Variants in C2CD5 observed in about 807,000 individuals in gnomAD.
The protein encoded by C2CD5 is C2 calcium dependent domain containing 5.
C2CD5 carries 109 observed loss-of-function variants against 130.3 expected under a neutral mutation model. That is an observed-to-expected ratio of 0.84 (90% CI 0.72 to 0.98). C2CD5 has a LOEUF of 0.98. Among genes scored for constraint, C2CD5 ranks in the 50% least tolerant of loss-of-function variants. The pLI is 0.00. For missense variants in C2CD5, 996 were observed against 1,261.8 expected (o/e 0.79, Z 3.19); for synonymous variants, 454 against 429.2 (o/e 1.06, Z -0.71).
chr12:22,477,402 G>A (rs575098545), intron 15 of C2CD5: 17 of 152,230 alleles, frequency 1.1e-4, no homozygotes, highest in African/African-American at 3.9e-4. Flanking sequence ...AGAATAATAT[G>A]ATGAAAGCTA....
At chr12:22,541,911 G>A (rs1237667807) in intron 2 of C2CD5, among the ~76,000 whole-genome samples, 2 of 152,176 alleles carry the variant, frequency 1.3e-5, no homozygotes, top group Non-Finnish European at 2.9e-5. Flanking sequence ...GGCTAGACCA[G>A]TAACTAGCCC....
At chr12:22,465,128 A>G (rs915161757) in intron 22 of C2CD5, among the ~76,000 whole-genome samples, 3 of 152,168 alleles carry the variant, frequency 2.0e-5, no homozygotes, top group African/African-American at 7.2e-5. Context: ...TTGTTTTTAT[A>G]TTTAACCTAT....
intron 16 of C2CD5, 72 bp from the exon 17 acceptor site, chr12:22,472,879 A>T: frequency 1.1e-6 from 1 of 880,656 alleles, no homozygotes; most frequent in Non-Finnish European, 1.9e-6. Context: ...AAGAACTATT[A>T]ATAGAGTCAA....
intron 23 of C2CD5, chr12:22,458,794 G>GC (rs1373519742): frequency 3.1e-6 from 1 of 322,338 alleles, no homozygotes; most frequent in Non-Finnish European, 5.6e-6. Context: ...AGCAGGCTGA[G>GC]CATTTCTGGT....
chr12:22,509,550 TAATA>T (rs1181790488), intron 9 of C2CD5, among the ~76,000 whole-genome samples: 3 of 152,182 alleles, frequency 2.0e-5, no homozygotes, highest in African/African-American at 7.2e-5. Flanking sequence ...ATTTAACCTA[TAATA>T]AATAAAAATG....
chr12:22,451,319 A>G (rs1938556351), intron 26 of C2CD5, among the ~76,000 whole-genome samples: 1 of 152,200 alleles, frequency 6.6e-6, no homozygotes, highest in Non-Finnish European at 1.5e-5. Context: ...TTCATTCATT[A>G]TAAAGAGAAA....
chr12:22,455,800 T>C (rs1565638188), intron 25 of C2CD5, among the ~76,000 whole-genome samples: 1 of 152,134 alleles, frequency 6.6e-6, no homozygotes, highest in African/African-American at 2.4e-5. Flanking sequence ...TTCTCGTGCC[T>C]CAGCCTCCTG....
At chr12:22,458,720 G>T in intron 23 of C2CD5, 135 bp from the exon 24 acceptor site, 1 of 383,882 alleles carries the variant, frequency 2.6e-6, no homozygotes, top group Non-Finnish European at 4.6e-6. Context: ...TTTCAAGTCA[G>T]ATAAGAGAGA....
At chr12:22,492,980 G>C (rs994612649) in intron 11 of C2CD5, among the ~76,000 whole-genome samples, 1 of 152,064 alleles carries the variant, frequency 6.6e-6, no homozygotes, top group Non-Finnish European at 1.5e-5. Context: ...ATGATTAATT[G>C]ATCTGTGGTA....
intron 22 of C2CD5, among the ~76,000 whole-genome samples, chr12:22,468,857 T>C (rs894078234): frequency 6.6e-6 from 1 of 152,202 alleles, no homozygotes; most frequent in Non-Finnish European, 1.5e-5. Context: ...AACTATTCTG[T>C]ATTATACATA....
At chr12:22,505,254 C>CTT (rs371726014) in intron 10 of C2CD5, among the ~76,000 whole-genome samples, 47 of 106,306 alleles carry the variant, frequency 4.4e-4, no homozygotes, top group Admixed American at 7.2e-4. Context: ...TTCTTTCTTT[C>CTT]TTTTTTTTTT....
intron 10 of C2CD5, among the ~76,000 whole-genome samples, chr12:22,496,945 A>C (rs1473833283): frequency 6.6e-6 from 1 of 152,074 alleles, no homozygotes; most frequent in East Asian, 1.9e-4. Flanking sequence ...ATATCTTGCC[A>C]TCTTTTTAAC....
In C2CD5 at chr12:22,472,304, A is replaced by T. The variant is rs16924983; in HGVS notation, c.2151T>A (p.Asn717Lys). Reference protein sequence around the residue: ...CNTEIMPGINNWTSEIQMFTS... With the variant: ...CNTEIMPGINKWTSEIQMFTS... ...GGTTTACCTGTATTTCAGAGGTCCA[A>T]TTATTTATACCGGGCATAATTTCTG... Residue 717 changes from asparagine (N) to lysine (K), a missense_variant, in exon 18 of 27, where the codon AAT becomes AAA. Physicochemically the swap from Asn to Lys is moderately conservative, Grantham distance 94. Transcript: ENST00000446597. The T allele has an allele frequency of 2.0e-6, 3 of 1,517,610 alleles. No homozygotes were observed. In the Admixed American group the frequency reaches 5.6e-5, roughly 29 times the overall value. 94.0% of individuals were successfully genotyped at this position (1,517,610 alleles called of 1,614,324 possible). A position where few individuals can be genotyped will look rare whatever the true frequency, so the allele number is the denominator to read the frequency against.
At chr12:22,541,673 T>A (rs1952401872) in intron 2 of C2CD5, among the ~76,000 whole-genome samples, 1 of 152,194 alleles carries the variant, frequency 6.6e-6, no homozygotes, top group African/African-American at 2.4e-5. Flanking sequence ...ATCCAGCAGA[T>A]CTTGGTTTTG....
Position 22,449,473 on chromosome 12 carries a change from AT to A in C2CD5, c.*286del. ...ATTTCATTTTTTAAATTATGATTTT[AT>A]TAAAATCAACATAAATTACAAAGGT... On this transcript the variant is annotated 3_prime_UTR_variant, in exon 27 of 27. Transcript: ENST00000446597. The A allele has an allele frequency of 4.4e-6, 1 of 226,830 alleles. No individual in the cohort carries two copies. Among genetic ancestry groups the A allele is most frequent in the Non-Finnish European group, 8.6e-6 (1 of 115,954 alleles). 14.1% of individuals were successfully genotyped at this position (226,830 alleles called of 1,614,324 possible).
intron 13 of C2CD5, 31 bp from the exon 14 acceptor site, chr12:22,482,774 TTCTTGG>T: frequency 6.5e-7 from 1 of 1,528,168 alleles, no homozygotes. Context: ...GTGAACAGTA[TTCTTGG>T]TACCACCTTT....
chr12:22,503,683 T>C (rs1448180916), intron 10 of C2CD5, among the ~76,000 whole-genome samples: 1 of 152,066 alleles, frequency 6.6e-6, no homozygotes, highest in Non-Finnish European at 1.5e-5. Flanking sequence ...GGATAGTTTT[T>C]GTATTTTTGG....
chr12:22,540,398 T>A (rs1445300657), intron 2 of C2CD5, among the ~76,000 whole-genome samples: 1 of 152,202 alleles, frequency 6.6e-6, no homozygotes, highest in East Asian at 1.9e-4. Context: ...TTATGAACTC[T>A]CTCCTCCCAC....
intron 10 of C2CD5, among the ~76,000 whole-genome samples, chr12:22,502,175 A>T (rs1236504826): frequency 6.6e-6 from 1 of 152,094 alleles, no homozygotes; most frequent in African/African-American, 2.4e-5. Context: ...TTATATTCAC[A>T]TGTGGAAAGG....
Sources: allele counts gnomAD v4.1 joint callset (sites outside exome capture counted in the v4.1 genomes callset), GRCh38; gene constraint gnomAD v4.1.1; transcripts MANE v1.5; gene names NCBI Gene and HGNC (gene_info 2026-07-23, HGNC 2026-07-21).